CDC42SE2: variants seen among roughly 807,000 people sequenced by gnomAD.
The protein encoded by CDC42SE2 is CDC42 small effector protein 2.
CDC42SE2 carries 3 observed loss-of-function variants against 11.5 expected under a neutral mutation model. The observed-to-expected ratio is 0.26, with a 90% CI of 0.12 to 0.67. The LOEUF (loss-of-function observed/expected upper bound fraction) is 0.67. Among genes scored for constraint, CDC42SE2 ranks in the 30% least tolerant of loss-of-function variants. CDC42SE2 has a pLI of 0.80. For missense variants in CDC42SE2, 82 were observed against 106.8 expected (o/e 0.77, Z 1.02); for synonymous variants, 33 against 34.8 (o/e 0.95, Z 0.18).
At chr5:131,384,961 C>G (rs1329915102) in intron 3 of CDC42SE2, among the ~76,000 whole-genome samples, 2 of 151,328 alleles carry the variant, frequency 1.3e-5, no homozygotes, top group Non-Finnish European at 2.9e-5. Context: ...AAGACCCAGC[C>G]TAGTTAGTCA....
At chr5:131,315,245 G>A (rs1317549364) in intron 1 of CDC42SE2, among the ~76,000 whole-genome samples, 1 of 152,060 alleles carries the variant, frequency 6.6e-6, no homozygotes, top group African/African-American at 2.4e-5. Flanking sequence ...TATATCTTAG[G>A]TTAAAAACAG....
chr5:131,337,669 C>T (rs528035767), intron 2 of CDC42SE2, among the ~76,000 whole-genome samples: 11 of 152,164 alleles, frequency 7.2e-5, no homozygotes, highest in African/African-American at 1.4e-4. Context: ...TGAGCAATGG[C>T]GGGCACCCCT....
In CDC42SE2 at chr5:131,392,065, G is replaced by A. The variant is rs1750673042; in HGVS notation, c.*974G>A. The A allele has an allele frequency of 6.6e-6, 1 of 152,474 alleles. No individual in the cohort carries two copies. Among genetic ancestry groups the A allele is most frequent in the Non-Finnish European group, 1.5e-5 (1 of 68,030 alleles). The allele number at this position is 152,474 out of a possible 1,614,324, so 9.4% of individuals were successfully genotyped here. A position where few individuals can be genotyped will look rare whatever the true frequency, so the allele number is the denominator to read the frequency against. ...ACTCATGGACAGAGTTCTTTGGATTGTCACTGAATTTTCAATGTTTAATCA... is the reference window on the plus strand; with the variant it reads ...ACTCATGGACAGAGTTCTTTGGATTATCACTGAATTTTCAATGTTTAATCA... On this transcript the variant is annotated 3_prime_UTR_variant, in exon 5 of 5. Transcript: ENST00000505065.
intron 2 of CDC42SE2, among the ~76,000 whole-genome samples, chr5:131,347,285 A>C (rs1263937900): frequency 6.6e-6 from 1 of 152,200 alleles, no homozygotes; most frequent in Non-Finnish European, 1.5e-5. Context: ...GAGAAGAATC[A>C]AATAGATGCA....
chr5:131,323,724 A>G (rs1238802008), intron 2 of CDC42SE2, among the ~76,000 whole-genome samples: 1 of 152,124 alleles, frequency 6.6e-6, no homozygotes. Context: ...ATCTAAAATA[A>G]TGTGTTTTAA....
intron 2 of CDC42SE2, chr5:131,354,809 C>T (rs558640674): frequency 6.6e-6 from 1 of 152,100 alleles, no homozygotes; most frequent in East Asian, 1.9e-4. Context: ...CTGAAATGCT[C>T]CAAAGTCCAA....
intron 1 of CDC42SE2, among the ~76,000 whole-genome samples, chr5:131,287,645 G>C (rs559624426): frequency 2.0e-5 from 3 of 149,030 alleles, no homozygotes; most frequent in Non-Finnish European, 3.0e-5. Context: ...CTTTTTTTTT[G>C]CATTTTTTTG....
chr5:131,273,064 C>T (rs980894625), intron 1 of CDC42SE2, among the ~76,000 whole-genome samples: 4 of 151,358 alleles, frequency 2.6e-5, no homozygotes, highest in African/African-American at 7.3e-5. Context: ...ATGTTTAGAC[C>T]TCTTCTATAT....
chr5:131,215,658 A>T, the CDC42SE2 span, among the ~76,000 whole-genome samples: 2 of 152,306 alleles, frequency 1.3e-5, no homozygotes, highest in South Asian at 4.1e-4. Context: ...TTGTCTGAGA[A>T]CAGAGTTCAT....
the CDC42SE2 span, among the ~76,000 whole-genome samples, chr5:131,227,979 G>A: frequency 6.6e-6 from 1 of 152,280 alleles, no homozygotes; most frequent in Middle Eastern, 3.4e-3. Context: ...CTTGAGATTA[G>A]GAGTTAGAGA....
intron 1 of CDC42SE2, among the ~76,000 whole-genome samples, chr5:131,248,128 CT>C (rs919017042): frequency 6.6e-6 from 1 of 150,516 alleles, no homozygotes; most frequent in Non-Finnish European, 1.5e-5. Flanking sequence ...AAAAGCATTC[CT>C]TTTTTTTATT....
At chr5:131,255,847 A>G (rs1311056533) in intron 2 of CDC42SE2, among the ~76,000 whole-genome samples, 1 of 152,232 alleles carries the variant, frequency 6.6e-6, no homozygotes, top group African/African-American at 2.4e-5. Context: ...TGCTGCAGGC[A>G]TTGAGATTTT....
At chr5:131,289,411 G>A (rs1009378477) in intron 1 of CDC42SE2, among the ~76,000 whole-genome samples, 4 of 152,176 alleles carry the variant, frequency 2.6e-5, no homozygotes, top group Non-Finnish European at 5.9e-5. Flanking sequence ...AGTGGCTCAC[G>A]CCTGTAATCC....
intron 3 of CDC42SE2, among the ~76,000 whole-genome samples, chr5:131,370,818 A>G (rs1455238933): frequency 6.6e-6 from 1 of 151,968 alleles, no homozygotes; most frequent in African/African-American, 2.4e-5. Flanking sequence ...TTTTTTTTTT[A>G]AACTGACTTT....
intron 3 of CDC42SE2, among the ~76,000 whole-genome samples, chr5:131,364,538 G>A (rs1749800896): frequency 6.6e-6 from 1 of 152,182 alleles, no homozygotes; most frequent in African/African-American, 2.4e-5. Context: ...ATCATTGAAT[G>A]GTTTAGAGCA....
At chr5:131,213,135 G>A in the CDC42SE2 span, among the ~76,000 whole-genome samples, 1 of 152,230 alleles carries the variant, frequency 6.6e-6, no homozygotes, top group South Asian at 2.1e-4. Flanking sequence ...AGAGGTTGCA[G>A]TGGGCCGAGC....
At chr5:131,377,825 A>G (rs906517814) in intron 3 of CDC42SE2, among the ~76,000 whole-genome samples, 5 of 152,384 alleles carry the variant, frequency 3.3e-5, no homozygotes, top group South Asian at 2.1e-4. Context: ...TGTAGACTTC[A>G]TTAGAATTGG....
rs549540369 is a variant in CDC42SE2 at position 131,336,471 on chromosome 5, G to A, written c.-286+20327G>A. On this transcript the variant is annotated intron_variant, in intron 2 of 4. Coordinates refer to ENST00000505065, the MANE Select transcript of CDC42SE2 (RefSeq NM_001375635.1). ...GTCTTGGAGTTGCTCTTCTCGAGGA[G>A]TATCTTTGTGGTGTTCTCTGTATTT... Among the ~76,000 whole-genome samples the A allele has an allele frequency of 3.3e-4, 51 of 152,270 alleles. No individual in the cohort carries two copies. In the South Asian group the frequency reaches 0.01, roughly 30 times the overall value.
chr5:131,245,336 G>T (rs1269937939), upstream of CDC42SE2, among the ~76,000 whole-genome samples: 1 of 152,074 alleles, frequency 6.6e-6, no homozygotes, highest in East Asian at 1.9e-4. Context: ...TACTGATTGG[G>T]TTTATTCAAT....
Sources: gnomAD v4.1 joint callset for allele counts (sites outside exome capture counted in the v4.1 genomes callset) on GRCh38, gnomAD v4.1.1 for gene constraint, MANE v1.5 for transcripts, NCBI Gene and HGNC (gene_info 2026-07-23, HGNC 2026-07-21) for gene names.